SMOC1: variants seen among roughly 807,000 people sequenced by gnomAD.
SMOC1 encodes SPARC related modular calcium binding 1.
A neutral mutation model predicts 56.3 loss-of-function variants in SMOC1; 22 were observed. The ratio of observed to expected loss-of-function variants is 0.39; its 90% CI spans 0.28 to 0.56. The LOEUF (loss-of-function observed/expected upper bound fraction) is 0.56. Ranked by LOEUF, SMOC1 falls within the 20% of genes least tolerant of loss-of-function variation. The pLI is 0.61. For synonymous variants in SMOC1, 193 were observed against 215.0 expected, an observed-to-expected ratio of 0.90 and a Z score of 0.89; for missense variants, 509 against 565.4, an observed-to-expected ratio of 0.90 and a Z score of 1.01.
chr14:70,004,211 C>G (rs1401648619), intron 7 of SMOC1, among the ~76,000 whole-genome samples: 1 of 152,164 alleles, frequency 6.6e-6, no homozygotes, highest in Admixed American at 6.5e-5. Flanking sequence ...TGTGGCTCTT[C>G]TTCAGTTCTT....
At chr14:69,958,942 T>G (rs1217279362) in intron 3 of SMOC1, among the ~76,000 whole-genome samples, 3 of 152,186 alleles carry the variant, frequency 2.0e-5, no homozygotes, top group African/African-American at 7.2e-5. Flanking sequence ...ATGATAAATA[T>G]TTTCATTTTT....
chr14:69,990,171 CA>C (rs1298064314), intron 5 of SMOC1, among the ~76,000 whole-genome samples: 4 of 152,152 alleles, frequency 2.6e-5, no homozygotes, highest in Non-Finnish European at 5.9e-5. Context: ...AAAGCTTCCC[CA>C]AAAAACCTTT....
chr14:69,994,459 A>G lies in SMOC1; in HGVS notation c.643A>G (p.Asn215Asp). Reference protein sequence around the residue: ...HLVIKDSKLNNTNIRNSEKVY... With the variant: ...HLVIKDSKLNDTNIRNSEKVY... Reference sequence around the variant, plus strand: ...GGTGATCAAGGACTCCAAACTGAACAACACCAACATAAGAAATTCAGGTAA... The same window carrying G: ...GGTGATCAAGGACTCCAAACTGAACGACACCAACATAAGAAATTCAGGTAA... The change falls in exon 7 of 12, where the codon AAC (asparagine) becomes GAC (aspartate). Residue 215 changes from asparagine (N) to aspartate (D), a missense_variant. Physicochemically the swap from Asn to Asp is conservative, Grantham distance 23. Coordinates refer to ENST00000361956, the MANE Select transcript of SMOC1 (RefSeq NM_001034852.3). The G allele has an allele frequency of 6.2e-7, 1 of 1,613,656 alleles. No homozygotes were observed. Among genetic ancestry groups the G allele is most frequent in the African/African-American group, 1.3e-5 (1 of 75,034 alleles).
At chr14:69,972,691 C>T (rs190510746) in intron 3 of SMOC1, among the ~76,000 whole-genome samples, 14 of 152,284 alleles carry the variant, frequency 9.2e-5, no homozygotes, top group Admixed American at 9.2e-4. Context: ...AATGGGCACA[C>T]TCAGTGAGAA....
At chr14:70,005,110 G>GC (rs1339545831) in intron 7 of SMOC1, among the ~76,000 whole-genome samples, 1 of 152,228 alleles carries the variant, frequency 6.6e-6, no homozygotes. Flanking sequence ...AGAAAGGCCA[G>GC]CCCAAAGATC....
intron 3 of SMOC1, among the ~76,000 whole-genome samples, chr14:69,963,042 C>T (rs1883441107): frequency 6.6e-6 from 1 of 152,120 alleles, no homozygotes; most frequent in Admixed American, 6.5e-5. Flanking sequence ...AAGCTTATTT[C>T]TGGAATCTCA....
intron 1 of SMOC1, among the ~76,000 whole-genome samples, chr14:69,919,700 G>T (rs1341532464): frequency 1.3e-5 from 2 of 152,180 alleles, no homozygotes; most frequent in Non-Finnish European, 2.9e-5. Context: ...ATGGGAGTTG[G>T]GTGGGCCTAA....
chr14:69,915,367 GC>G (rs988893101), intron 1 of SMOC1, among the ~76,000 whole-genome samples: 1 of 152,062 alleles, frequency 6.6e-6, no homozygotes, highest in Admixed American at 6.5e-5. Context: ...TCTGTACGGG[GC>G]AAACCCCTCC....
At chr14:69,879,930 T>C (rs1594783009) in intron 1 of SMOC1, among the ~76,000 whole-genome samples, 153 bp downstream of exon 1, 1 of 152,170 alleles carries the variant, frequency 6.6e-6, no homozygotes, top group South Asian at 2.1e-4. Flanking sequence ...GTGAAGTTGC[T>C]GAAATATTTT....
At chr14:69,913,192 G>T (rs891997515) in intron 1 of SMOC1, among the ~76,000 whole-genome samples, 1 of 152,120 alleles carries the variant, frequency 6.6e-6, no homozygotes, top group Non-Finnish European at 1.5e-5. Flanking sequence ...TGTCTTGCTG[G>T]GTAACAAAAT....
intron 1 of SMOC1, among the ~76,000 whole-genome samples, chr14:69,906,174 T>C (rs1884402287): frequency 6.6e-6 from 1 of 152,216 alleles, no homozygotes; most frequent in Admixed American, 6.5e-5. Flanking sequence ...TTGACACTCC[T>C]CCCAGAGAGA....
At chr14:69,888,228 G>A (rs1432961339) in intron 1 of SMOC1, among the ~76,000 whole-genome samples, 1 of 152,198 alleles carries the variant, frequency 6.6e-6, no homozygotes, top group African/African-American at 2.4e-5. Context: ...GAGAGGTTCA[G>A]AGATTGGATT....
At chr14:69,950,592 A>C (rs1882957244) in intron 1 of SMOC1, among the ~76,000 whole-genome samples, 1 of 152,180 alleles carries the variant, frequency 6.6e-6, no homozygotes, top group Non-Finnish European at 1.5e-5. Context: ...TGGGACATTC[A>C]TTCCCTCAAC....
chr14:69,990,367 A>T (rs2139539186), intron 5 of SMOC1, among the ~76,000 whole-genome samples: 1 of 152,352 alleles, frequency 6.6e-6, no homozygotes, highest in South Asian at 2.1e-4. Context: ...ATATTACATA[A>T]GCCATATGCA....
chr14:69,921,041 T>C (rs1189674258), intron 1 of SMOC1, among the ~76,000 whole-genome samples: 3 of 152,188 alleles, frequency 2.0e-5, no homozygotes, highest in Non-Finnish European at 2.9e-5. Flanking sequence ...CCATAGTTGG[T>C]CGCCCAAAGC....
At chr14:69,950,994 C>T (rs1224629850) in intron 1 of SMOC1, among the ~76,000 whole-genome samples, 1 of 152,140 alleles carries the variant, frequency 6.6e-6, no homozygotes, top group East Asian at 1.9e-4. Flanking sequence ...ATTTTCATCT[C>T]TCTGAGTTGC....
intron 5 of SMOC1, 64 bp downstream of exon 5, chr14:69,978,029 T>C (rs1884032389): frequency 7.6e-7 from 1 of 1,321,262 alleles, no homozygotes; most frequent in Non-Finnish European, 1.1e-6. Flanking sequence ...CAGGATTTCT[T>C]AGATGAGATA....
intron 1 of SMOC1, among the ~76,000 whole-genome samples, chr14:69,939,488 A>C (rs189538821): frequency 6.6e-6 from 1 of 152,170 alleles, no homozygotes; most frequent in African/African-American, 2.4e-5. Context: ...TAGCCAAACC[A>C]TGTCACTAAG....
In SMOC1 at chr14:69,879,772, C is replaced by G. The variant is rs1883582967; in HGVS notation, c.94C>G (p.Pro32Ala). Residue 32 changes from proline (P) to alanine (A), a missense_variant, in exon 1 of 12, where the codon CCC becomes GCC. Coordinates refer to ENST00000361956, the MANE Select transcript of SMOC1 (RefSeq NM_001034852.3). The stretch of plus-strand genomic sequence containing the variant: ...TGCTCGCGGCCACCGCACCACAGGC[C>G]CCAGGGTAAGTGCGCCCCCAGCTTT... Reference protein sequence around the residue: ...SPARGHRTTGPRFLISDRDPQ... With the variant: ...SPARGHRTTGARFLISDRDPQ... 3 of 1,588,656 alleles carry G rather than the reference C, an allele frequency of 1.9e-6. No individual in the cohort carries two copies. Among genetic ancestry groups the G allele is most frequent in the Non-Finnish European group, 2.6e-6 (3 of 1,174,492 alleles).
Sources: gnomAD v4.1 joint callset for allele counts (sites outside exome capture counted in the v4.1 genomes callset) on GRCh38, gnomAD v4.1.1 for gene constraint, MANE v1.5 for transcripts, NCBI Gene and HGNC (gene_info 2026-07-23, HGNC 2026-07-21) for gene names.